Variants in LCLAT1 observed in about 807,000 individuals in gnomAD.
LCLAT1 encodes 1-AGP acyltransferase 8.
LCLAT1 carries 11 observed loss-of-function variants against 30.7 expected under a neutral mutation model. That is an observed-to-expected ratio of 0.36 (90% CI 0.23 to 0.59). The LOEUF (loss-of-function observed/expected upper bound fraction) is 0.59, where lower values mean the gene tolerates loss of function less well. LCLAT1 is among the 20% of genes least tolerant of loss of function. The probability of loss-of-function intolerance (pLI) is 0.77; values close to 1 mark genes in which losing one functional copy is unlikely to be tolerated. For synonymous variants in LCLAT1, 155 were observed against 151.3 expected, an observed-to-expected ratio of 1.02 and a Z score of -0.18; for missense variants, 402 against 458.6, an observed-to-expected ratio of 0.88 and a Z score of 1.13.
At chr2:30,635,940 TA>T (rs545570733) in intron 5 of LCLAT1, among the ~76,000 whole-genome samples, 249 of 152,292 alleles carry the variant, frequency 1.6e-3, no homozygotes, top group African/African-American at 5.9e-3. Context: ...GTACTGAGTC[TA>T]AAAAAGCAAA....
chr2:30,493,454 C>G (rs1368723259), intron 1 of LCLAT1, among the ~76,000 whole-genome samples: 1 of 152,142 alleles, frequency 6.6e-6, no homozygotes, highest in Non-Finnish European at 1.5e-5. Flanking sequence ...AAAACTGTGG[C>G]ATTGAAAGCA....
chr2:30,555,884 C>T (rs1664895717), intron 3 of LCLAT1, among the ~76,000 whole-genome samples: 1 of 140,216 alleles, frequency 7.1e-6, no homozygotes, highest in African/African-American at 2.7e-5. Context: ...GTCGCCCAGG[C>T]TGGAGTGCAC....
intron 3 of LCLAT1, among the ~76,000 whole-genome samples, chr2:30,551,075 C>T (rs1664655203): frequency 6.6e-6 from 1 of 152,146 alleles, no homozygotes; most frequent in African/African-American, 2.4e-5. Flanking sequence ...ACCTCCTGGG[C>T]TCAAGCAATC....
At chr2:30,522,176 T>C (rs1403445629) in intron 1 of LCLAT1, among the ~76,000 whole-genome samples, 2 of 152,224 alleles carry the variant, frequency 1.3e-5, no homozygotes, top group Non-Finnish European at 2.9e-5. Context: ...TAGGTTTTTG[T>C]GTGAATATAC....
intron 5 of LCLAT1, among the ~76,000 whole-genome samples, chr2:30,618,602 T>G (rs1668100750): frequency 6.6e-6 from 1 of 152,142 alleles, no homozygotes; most frequent in African/African-American, 2.4e-5. Flanking sequence ...AGATAACTAT[T>G]GGGTACTGGA....
chr2:30,609,223 A>G (rs1667617133), intron 5 of LCLAT1, among the ~76,000 whole-genome samples: 1 of 151,740 alleles, frequency 6.6e-6, no homozygotes, highest in Non-Finnish European at 1.5e-5. Context: ...TTTATTACAT[A>G]TTCATTGAAC....
rs1318054508 is a variant in LCLAT1, at chr2:30,642,490, C to T, written c.*1871C>T. The T allele has an allele frequency of 8.8e-5, 13 of 148,228 alleles. No individual in the cohort carries two copies. Among genetic ancestry groups the T allele is most frequent in the Non-Finnish European group, 1.8e-4 (12 of 67,192 alleles). 9.2% of individuals were successfully genotyped at this position (148,228 alleles called of 1,614,324 possible). A position where few individuals can be genotyped will look rare whatever the true frequency, so the allele number is the denominator to read the frequency against. ...CTAATTTATGTTTCTCTAAGATTTC[C>T]TTTGGTTGTATTTAGAAACACAAAT... On this transcript the variant is annotated 3_prime_UTR_variant, in exon 6 of 6. Transcript: ENST00000379509.
chr2:30,516,432 G>A (rs1252640), intron 1 of LCLAT1, among the ~76,000 whole-genome samples: 133,562 of 152,222 alleles, frequency 0.88, 59,021 homozygotes, highest in African/African-American at 0.97. Context: ...GCCCATTGCC[G>A]CTCCTGATCA....
At chr2:30,515,844 T>G (rs1295277464) in intron 1 of LCLAT1, among the ~76,000 whole-genome samples, 1 of 152,226 alleles carries the variant, frequency 6.6e-6, no homozygotes, top group Non-Finnish European at 1.5e-5. Flanking sequence ...ATTTAATTTG[T>G]CAGTTATTTA....
rs6732314 is a variant in LCLAT1, at chr2:30,640,547, G to A, written c.1059G>A (p.Leu353=). 3.3e-3 allele frequency: 5,335 copies of A among 1,613,816 alleles called. 157 individuals are homozygous for A. The African/African-American group carries it at 0.062, about 19-fold the overall frequency. ...TGCAAGAGAGAATATTTGGTGGACT[G>A]GAGATCATAGAACTTGCATGTTACC... The part of the protein sequence containing the change: ...FVLQERIFGG[L]EIIELACYRL... The change falls in exon 6 of 6, where the codon CTG becomes CTA. Residue 353 remains leucine (L), a synonymous_variant. Coordinates refer to ENST00000379509, the MANE Select transcript of LCLAT1 (RefSeq NM_001002257.3).
intron 2 of LCLAT1, among the ~76,000 whole-genome samples, chr2:30,527,999 A>G (rs1170157181): frequency 6.6e-6 from 1 of 152,110 alleles, no homozygotes; most frequent in Non-Finnish European, 1.5e-5. Flanking sequence ...CTATCCTGTT[A>G]ATCCACCTAG....
intron 5 of LCLAT1, among the ~76,000 whole-genome samples, chr2:30,616,139 G>C (rs1191439635): frequency 2.0e-5 from 3 of 152,168 alleles, no homozygotes; most frequent in Non-Finnish European, 4.4e-5. Flanking sequence ...AGCTGATAGG[G>C]AATGTTGCTG....
At chr2:30,496,476 A>T (rs1460042645) in intron 1 of LCLAT1, among the ~76,000 whole-genome samples, 3 of 152,188 alleles carry the variant, frequency 2.0e-5, no homozygotes, top group Non-Finnish European at 4.4e-5. Context: ...TGTGATAACT[A>T]GAGGACGTTC....
At chr2:30,483,396 A>G (rs553316765) in intron 1 of LCLAT1, among the ~76,000 whole-genome samples, 2 of 152,324 alleles carry the variant, frequency 1.3e-5, no homozygotes, top group South Asian at 2.1e-4. Context: ...ATGTATTTTT[A>G]TAACCATCTT....
chr2:30,484,921 A>G (rs1033756048), intron 1 of LCLAT1, among the ~76,000 whole-genome samples: 4 of 152,134 alleles, frequency 2.6e-5, no homozygotes, highest in African/African-American at 7.2e-5. Context: ...ATGTTATGGT[A>G]TGCTATGGTA....
chr2:30,582,654 C>A (rs1212807349), intron 5 of LCLAT1, among the ~76,000 whole-genome samples: 1 of 152,130 alleles, frequency 6.6e-6, no homozygotes, highest in Non-Finnish European at 1.5e-5. Flanking sequence ...CATAGCCTTC[C>A]TTTTAAATTT....
chr2:30,546,406 AAAC>A (rs1295198356), intron 3 of LCLAT1, among the ~76,000 whole-genome samples: 1 of 152,224 alleles, frequency 6.6e-6, no homozygotes, highest in South Asian at 2.1e-4. Flanking sequence ...TCATGAATAA[AAAC>A]AACTCAGTTA....
intron 2 of LCLAT1, 144 bp downstream of exon 2, chr2:30,525,899 T>C: frequency 1.5e-6 from 1 of 651,092 alleles, no homozygotes; most frequent in Non-Finnish European, 2.7e-6. Context: ...AAATAATCTC[T>C]AGATTGCTTA....
At chr2:30,604,119 T>A (rs1390141486) in intron 5 of LCLAT1, among the ~76,000 whole-genome samples, 1 of 135,150 alleles carries the variant, frequency 7.4e-6, no homozygotes, top group East Asian at 2.4e-4. Flanking sequence ...GCCTTTAGAT[T>A]AGGGCACAAC....
Sources: allele counts gnomAD v4.1 joint callset (sites outside exome capture counted in the v4.1 genomes callset), GRCh38; gene constraint gnomAD v4.1.1; transcripts MANE v1.5; gene names NCBI Gene and HGNC (gene_info 2026-07-23, HGNC 2026-07-21).